TTK: variants seen among roughly 807,000 people sequenced by gnomAD.
The protein encoded by TTK is dual specificity protein kinase TTK.
In TTK, 59 loss-of-function variants were observed where a neutral mutation model predicts 117.3. The ratio of observed to expected loss-of-function variants is 0.50; its 90% CI spans 0.41 to 0.62. The LOEUF is 0.62. Among genes scored for constraint, TTK ranks in the 20% least tolerant of loss-of-function variants. The pLI is 0.00. For missense variants in TTK, 921 were observed against 989.4 expected (o/e 0.93, Z 0.93); for synonymous variants, 302 against 325.0 (o/e 0.93, Z 0.76).
chr6:80,013,622 C>T (rs1346740752), intron 9 of TTK: 9 of 254,216 alleles, frequency 3.5e-5, no homozygotes, highest in Admixed American at 1.1e-4. Context: ...TTATTATGCA[C>T]GTGTTTAAGC....
At chr6:80,038,351 T>C (rs1767962181) in intron 18 of TTK, among the ~76,000 whole-genome samples, 1 of 152,154 alleles carries the variant, frequency 6.6e-6, no homozygotes, top group Non-Finnish European at 1.5e-5. Context: ...GTGCCCTTTG[T>C]CCGGGGCTCC....
chr6:80,012,981 A>G (rs1437901701), intron 8 of TTK, among the ~76,000 whole-genome samples: 1 of 152,106 alleles, frequency 6.6e-6, no homozygotes, highest in Non-Finnish European at 1.5e-5. Context: ...TTGGAAATGT[A>G]GTTTCATCTG....
chr6:80,010,308 T>C (rs144436097), intron 4 of TTK, among the ~76,000 whole-genome samples: 46 of 152,048 alleles, frequency 3.0e-4, no homozygotes, highest in African/African-American at 9.6e-4. Context: ...GTATTTATTA[T>C]GTTTTTCCCC....
In TTK at chr6:80,011,431, C is replaced by T. The variant is rs757105367; in HGVS notation, c.614-3C>T. 2 of 1,545,940 alleles carry T rather than the reference C, an allele frequency of 1.3e-6. No homozygotes were observed. The highest frequency in any genetic ancestry group is 1.4e-5 in the African/African-American group (1 of 71,600). ...TTTAATCATAGTTTCAAAATTTTTA[C>T]AGCATCTACGGTATTAACTGCCCAA... On this transcript the variant is annotated splice_polypyrimidine_tract_variant and splice_region_variant and intron_variant, in intron 5 of 21. Coordinates refer to ENST00000369798, the MANE Select transcript of TTK (RefSeq NM_003318.5).
intron 13 of TTK, among the ~76,000 whole-genome samples, chr6:80,031,164 T>G (rs1458150650): frequency 6.6e-6 from 1 of 150,970 alleles, no homozygotes; most frequent in Non-Finnish European, 1.5e-5. Context: ...AATTTTATAT[T>G]TTATTTTTAT....
At chr6:80,020,619 T>C (rs545091608) in intron 10 of TTK, among the ~76,000 whole-genome samples, 39 of 152,310 alleles carry the variant, frequency 2.6e-4, no homozygotes, top group Admixed American at 1.9e-3. Flanking sequence ...AAACGGGCCA[T>C]AATGTGTAAC....
chr6:80,037,902 A>C (rs1325122939), intron 17 of TTK, 65 bp from the exon 18 acceptor site: 1 of 915,874 alleles, frequency 1.1e-6, no homozygotes, highest in Non-Finnish European at 1.5e-6. Flanking sequence ...AATAATCTCA[A>C]AAAAAAATCT....
At position 80,011,083 on chromosome 6, in the gene TTK, G is replaced by GAGGT. The variant is rs201995308; in HGVS notation, c.613+128_613+131dup. 1,591 of 1,207,014 alleles carry GAGGT rather than the reference G, an allele frequency of 1.3e-3. 21 individuals carry two copies. The African/African-American group carries it at 0.022, about 17-fold the overall frequency. 74.8% of individuals were successfully genotyped at this position (1,207,014 alleles called of 1,614,324 possible). On this transcript the variant is annotated intron_variant, in intron 5 of 21. Coordinates refer to ENST00000369798, the MANE Select transcript of TTK (RefSeq NM_003318.5). ...TAAAATCTAAGATTAAATTGTAAAGGAGGTAAGACTGAGAAGTAAAAAAGT... is the reference window on the plus strand; with the variant it reads ...TAAAATCTAAGATTAAATTGTAAAGGAGGTAGGTAAGACTGAGAAGTAAAAAAGT...
intron 4 of TTK, among the ~76,000 whole-genome samples, chr6:80,010,599 G>A (rs1326355019): frequency 1.4e-4 from 21 of 151,292 alleles, no homozygotes. Flanking sequence ...GAAACTATTT[G>A]GTATGCATTG....
intron 21 of TTK, among the ~76,000 whole-genome samples, chr6:80,041,225 G>A (rs796828033): frequency 5.3e-5 from 8 of 151,798 alleles, no homozygotes; most frequent in African/African-American, 1.9e-4. Context: ...TTGACCAACT[G>A]ATTTAGCCAA....
intron 4 of TTK, 96 bp from the exon 5 acceptor site, chr6:80,010,718 A>ATT: frequency 7.9e-7 from 1 of 1,271,228 alleles, no homozygotes; most frequent in Non-Finnish European, 1.1e-6. Flanking sequence ...AGTCTTTTTG[A>ATT]TTTTTTTTTC....
chr6:80,010,794 A>G lies in TTK; in HGVS notation c.470-20A>G, dbSNP rs374774700. 101 of 1,600,422 alleles carry G rather than the reference A, an allele frequency of 6.3e-5. 1 individual carries two copies. The African/African-American group carries it at 7.3e-4, about 12-fold the overall frequency. ...GGCATTTTACTGCCTAAAAATGACA[A>G]TTATCTTTTGCTTTGTTAGGTAATG... On this transcript the variant is annotated intron_variant, in intron 4 of 21. Coordinates refer to ENST00000369798, the MANE Select transcript of TTK (RefSeq NM_003318.5).
chr6:80,029,032 C>T (rs1211437623), intron 13 of TTK, among the ~76,000 whole-genome samples: 2 of 152,124 alleles, frequency 1.3e-5, no homozygotes, highest in Non-Finnish European at 2.9e-5. Flanking sequence ...TAATACAGAG[C>T]ATGACACTTA....
chr6:80,021,305 G>A (rs537552814), intron 10 of TTK, among the ~76,000 whole-genome samples: 3 of 152,234 alleles, frequency 2.0e-5, no homozygotes, highest in Non-Finnish European at 4.4e-5. Flanking sequence ...GCATTTGCAA[G>A]TGGCTCCTGC....
At position 80,028,049 on chromosome 6, in the gene TTK, T is replaced by G. The variant is rs1256836142; in HGVS notation, c.1521+38T>G. 9 of 1,524,224 alleles carry G rather than the reference T, an allele frequency of 5.9e-6. No homozygotes were observed. The South Asian group carries it at 1.2e-4, about 20-fold the overall frequency. 94.4% of individuals were successfully genotyped at this position (1,524,224 alleles called of 1,614,324 possible). The stretch of plus-strand genomic sequence containing the variant: ...TTATATATGATGGTATATGTTAAGA[T>G]ACAGTCCGTTTTACAGCTTTTATTT... On this transcript the variant is annotated intron_variant, in intron 13 of 21. Coordinates refer to ENST00000369798, the MANE Select transcript of TTK (RefSeq NM_003318.5).
chr6:80,026,347 C>G, intron 11 of TTK, 31 bp from the exon 12 acceptor site: 1 of 1,582,346 alleles, frequency 6.3e-7, no homozygotes, highest in South Asian at 1.2e-5. Flanking sequence ...AATTTAAAAA[C>G]TAAATCATGG....
At chr6:80,024,946 T>A (rs182611881) in intron 11 of TTK, among the ~76,000 whole-genome samples, 10 of 152,256 alleles carry the variant, frequency 6.6e-5, no homozygotes, top group Non-Finnish European at 1.0e-4. Flanking sequence ...TCCTGGTAAC[T>A]CCCCATCATT....
rs1767646382 is a variant in TTK at position 80,027,895 on chromosome 6, C to A, written c.1405C>A (p.Pro469Thr). 5 of 1,594,478 alleles carry A rather than the reference C, an allele frequency of 3.1e-6. No homozygotes were observed. The highest frequency in any genetic ancestry group is 1.7e-4 in the Middle Eastern group (1 of 5,974). The stretch of plus-strand genomic sequence containing the variant: ...ATATATATTTCCTAGTTTTAGAACT[C>A]CAGTTGTAAAGAATGACTTTCCACC... ...LDDYMSCFRTPVVKNDFPPAC... is the reference protein window; with the variant it reads ...LDDYMSCFRTTVVKNDFPPAC... The change falls in exon 13 of 22, where the codon CCA becomes ACA. Residue 469 changes from proline to threonine, a missense_variant. By Grantham distance (38) the Pro-to-Thr change is conservative. Coordinates refer to ENST00000369798, the MANE Select transcript of TTK (RefSeq NM_003318.5).
In TTK at chr6:80,042,305, A is replaced by G; in HGVS notation, c.*103A>G. On this transcript the variant is annotated 3_prime_UTR_variant, in exon 22 of 22. Transcript: ENST00000369798. Reference sequence around the variant, plus strand: ...TACATTTGAAGACAACATCACTCTGAAGTGTTATCAGCAAAAAAAATTCAG... The same window carrying G: ...TACATTTGAAGACAACATCACTCTGGAGTGTTATCAGCAAAAAAAATTCAG... 1.1e-6 allele frequency: 1 copy of G among 915,978 alleles called. No individual in the cohort carries two copies. Among genetic ancestry groups the G allele is most frequent in the Non-Finnish European group, 1.6e-6 (1 of 632,596 alleles). 56.7% of individuals were successfully genotyped at this position (915,978 alleles called of 1,614,324 possible).
Sources: gnomAD v4.1 joint callset for allele counts (sites outside exome capture counted in the v4.1 genomes callset) on GRCh38, gnomAD v4.1.1 for gene constraint, MANE v1.5 for transcripts, NCBI Gene and HGNC (gene_info 2026-07-23, HGNC 2026-07-21) for gene names.